Variants in SNTG1 observed in about 807,000 individuals in gnomAD.
SNTG1 encodes gamma-1-syntrophin.
SNTG1 carries 39 observed loss-of-function variants against 74.7 expected under a neutral mutation model. The ratio of observed to expected loss-of-function variants is 0.52; its 90% CI spans 0.40 to 0.68. The LOEUF (loss-of-function observed/expected upper bound fraction) is 0.68. SNTG1 is among the 30% of genes least tolerant of loss of function. The pLI is 0.00. For missense variants in SNTG1, 685 were observed against 609.5 expected, an observed-to-expected ratio of 1.12 and a Z score of -1.30; for synonymous variants, 254 against 217.1, an observed-to-expected ratio of 1.17 and a Z score of -1.49.
chr8:50,009,697 C>G (rs936836044), intron 1 of SNTG1, among the ~76,000 whole-genome samples: 1 of 152,098 alleles, frequency 6.6e-6, no homozygotes, highest in Non-Finnish European at 1.5e-5. Context: ...ATTATTTAGT[C>G]AAATAATAGT....
intron 15 of SNTG1, among the ~76,000 whole-genome samples, chr8:50,698,288 A>G (rs1317275168): frequency 6.6e-6 from 1 of 152,082 alleles, no homozygotes; most frequent in African/African-American, 2.4e-5. Context: ...GAGGAGTGAG[A>G]TGTGATTCTC....
intron 1 of SNTG1, among the ~76,000 whole-genome samples, chr8:50,048,961 A>G (rs559480829): frequency 2.6e-5 from 4 of 152,222 alleles, no homozygotes; most frequent in South Asian, 4.1e-4. Context: ...ACTCTGTTAT[A>G]TTAATAAATA....
At chr8:50,450,333 C>T (rs994002879) in intron 6 of SNTG1, among the ~76,000 whole-genome samples, 1 of 152,132 alleles carries the variant, frequency 6.6e-6, no homozygotes, top group Non-Finnish European at 1.5e-5. Flanking sequence ...ACTGTTAGGT[C>T]TGCAATAGTA....
At chr8:50,321,560 C>T (rs915895577) in intron 2 of SNTG1, among the ~76,000 whole-genome samples, 3 of 138,944 alleles carry the variant, frequency 2.2e-5, no homozygotes, top group East Asian at 5.1e-4. Context: ...TAAGGACTTA[C>T]TTCTGCCATT....
rs1057043542 is a variant in SNTG1 at position 50,795,927 on chromosome 8, A to G, written c.*3098A>G. 1 of 152,072 alleles carries G rather than the reference A, an allele frequency of 6.6e-6. No individual in the cohort carries two copies. The highest frequency in any genetic ancestry group is 1.5e-5 in the Non-Finnish European group (1 of 67,972). The allele number at this position is 152,072 out of a possible 1,614,324, so 9.4% of individuals were successfully genotyped here. On this transcript the variant is annotated 3_prime_UTR_variant, in exon 19 of 19. Transcript: ENST00000642720. ...TTTCTTGCCCATATTTCAGGCATGTACCAACTTATAATTTTGAAATCTTCG... is the reference window on the plus strand; with the variant it reads ...TTTCTTGCCCATATTTCAGGCATGTGCCAACTTATAATTTTGAAATCTTCG...
chr8:50,256,024 T>C (rs1172426783), intron 2 of SNTG1, among the ~76,000 whole-genome samples: 6 of 152,214 alleles, frequency 3.9e-5, no homozygotes, highest in Middle Eastern at 3.2e-3. Flanking sequence ...CCTCAAATAC[T>C]TGTCTATTCA....
At chr8:50,425,216 T>C (rs1587577709) in intron 4 of SNTG1, among the ~76,000 whole-genome samples, 1 of 147,168 alleles carries the variant, frequency 6.8e-6, no homozygotes, top group South Asian at 2.2e-4. Flanking sequence ...ATATTAGACT[T>C]TTAACACAGG....
At chr8:49,963,416 A>G (rs1810869473) in intron 1 of SNTG1, among the ~76,000 whole-genome samples, 1 of 152,144 alleles carries the variant, frequency 6.6e-6, no homozygotes, top group African/African-American at 2.4e-5. Context: ...GTTCATTTTC[A>G]TACTGCTGTT....
chr8:50,333,832 A>G (rs1163562238), intron 2 of SNTG1, among the ~76,000 whole-genome samples: 1 of 152,220 alleles, frequency 6.6e-6, no homozygotes, highest in Non-Finnish European at 1.5e-5. Flanking sequence ...CAAATTAAAG[A>G]AGGAATTAAG....
chr8:50,456,443 C>A (rs1180026247), intron 8 of SNTG1, among the ~76,000 whole-genome samples: 1 of 151,872 alleles, frequency 6.6e-6, no homozygotes, highest in African/African-American at 2.4e-5. Context: ...AAGGCACCAA[C>A]AGGCTTGGAG....
At chr8:50,195,483 A>G (rs1484362933) in intron 2 of SNTG1, among the ~76,000 whole-genome samples, 4 of 152,092 alleles carry the variant, frequency 2.6e-5, no homozygotes, top group African/African-American at 9.7e-5. Flanking sequence ...TCAAATTGTT[A>G]CAAAATTCAG....
At chr8:50,593,717 C>CTTTTTTTTTTT (rs1183759564) in intron 13 of SNTG1, among the ~76,000 whole-genome samples, 3 of 136,068 alleles carry the variant, frequency 2.2e-5, no homozygotes, top group African/African-American at 8.1e-5. Context: ...TGATTTGGTT[C>CTTTTTTTTTTT]TTTTTTTTTT....
chr8:49,935,392 C>CT (rs35517917), intron 1 of SNTG1, among the ~76,000 whole-genome samples: 87,492 of 132,090 alleles, frequency 0.66, 29,002 homozygotes, highest in East Asian at 0.91. Context: ...CCATTAATTC[C>CT]TTTTTTTTTT....
At chr8:50,532,124 A>G (rs776681587) in intron 10 of SNTG1, among the ~76,000 whole-genome samples, 14 of 152,190 alleles carry the variant, frequency 9.2e-5, no homozygotes, top group Non-Finnish European at 1.6e-4. Context: ...CCAGAGGCAC[A>G]TTTTATTTTC....
intron 2 of SNTG1, among the ~76,000 whole-genome samples, chr8:50,325,269 G>T (rs1342846750): frequency 6.6e-6 from 1 of 151,346 alleles, no homozygotes; most frequent in Non-Finnish European, 1.5e-5. Context: ...AACTCTCTAA[G>T]GCTTCTACTG....
chr8:50,577,463 T>G (rs946032273), intron 12 of SNTG1, among the ~76,000 whole-genome samples: 75 of 150,192 alleles, frequency 5.0e-4, no homozygotes, highest in African/African-American at 1.7e-3. Flanking sequence ...TTTTTTTTGT[T>G]TTTTTTTTTC....
At chr8:50,485,907 G>A (rs1216514893) in intron 8 of SNTG1, among the ~76,000 whole-genome samples, 1 of 150,662 alleles carries the variant, frequency 6.6e-6, no homozygotes, top group Non-Finnish European at 1.5e-5. Flanking sequence ...AGTTTTCCCA[G>A]CACCATTTAT....
At chr8:50,407,176 A>G (rs2092887942) in intron 4 of SNTG1, among the ~76,000 whole-genome samples, 1 of 152,186 alleles carries the variant, frequency 6.6e-6, no homozygotes, top group African/African-American at 2.4e-5. Flanking sequence ...AATTTGAGAC[A>G]GTAGGGCAGA....
At chr8:50,408,621 TA>T (rs2092909339) in intron 4 of SNTG1, among the ~76,000 whole-genome samples, 1 of 152,084 alleles carries the variant, frequency 6.6e-6, no homozygotes, top group Non-Finnish European at 1.5e-5. Context: ...TGAGCCCAGG[TA>T]AAAGGCTCAC....
Sources: allele counts gnomAD v4.1 joint callset (sites outside exome capture counted in the v4.1 genomes callset), GRCh38; gene constraint gnomAD v4.1.1; transcripts MANE v1.5; gene names NCBI Gene and HGNC (gene_info 2026-07-23, HGNC 2026-07-21).